ENTPD1: variants seen among roughly 807,000 people sequenced by gnomAD.
ENTPD1 encodes ectonucleoside triphosphate diphosphohydrolase 1.
In ENTPD1, 33 loss-of-function variants were observed where a neutral mutation model predicts 57.0. That is an observed-to-expected ratio of 0.58 (90% CI 0.44 to 0.77). The LOEUF is 0.77. ENTPD1 is among the 30% of genes least tolerant of loss of function. ENTPD1 has a pLI of 0.00. For missense variants in ENTPD1, 501 were observed against 603.4 expected, an observed-to-expected ratio of 0.83 and a Z score of 1.78; for synonymous variants, 202 against 218.8, an observed-to-expected ratio of 0.92 and a Z score of 0.68.
chr10:95,747,993 T>G (rs1324765620), intron 1 of ENTPD1, among the ~76,000 whole-genome samples: 1 of 152,014 alleles, frequency 6.6e-6, no homozygotes, highest in Admixed American at 6.6e-5. Flanking sequence ...CACCTCAGCC[T>G]CCCAAGTAGC....
intron 7 of ENTPD1, among the ~76,000 whole-genome samples, chr10:95,856,937 AG>A (rs1325729632): frequency 6.6e-6 from 1 of 151,896 alleles, no homozygotes; most frequent in African/African-American, 2.4e-5. Context: ...GTACATCTCT[AG>A]AGGATGGTTA....
At chr10:95,835,619 A>T (rs2140736950) in intron 2 of ENTPD1, among the ~76,000 whole-genome samples, 1 of 152,304 alleles carries the variant, frequency 6.6e-6, no homozygotes, top group Middle Eastern at 3.4e-3. Flanking sequence ...CTGACTTCTT[A>T]ATAGCCATTC....
At chr10:95,702,150 G>T in the ENTPD1 span, among the ~76,000 whole-genome samples, 1 of 151,886 alleles carries the variant, frequency 6.6e-6, no homozygotes, top group South Asian at 2.1e-4. Flanking sequence ...ACAGACAAAT[G>T]TTTAGAAGAT....
intron 1 of ENTPD1, among the ~76,000 whole-genome samples, chr10:95,821,308 A>AT (rs1416408970): frequency 6.6e-6 from 1 of 152,204 alleles, no homozygotes; most frequent in Non-Finnish European, 1.5e-5. Flanking sequence ...TGGGCTCAGC[A>AT]TTTGTTGATT....
At chr10:95,836,704 A>C (rs920695038) in intron 2 of ENTPD1, among the ~76,000 whole-genome samples, 2 of 152,240 alleles carry the variant, frequency 1.3e-5, no homozygotes, top group Non-Finnish European at 2.9e-5. Context: ...GGCAGAGAGA[A>C]CATGAACATT....
chr10:95,694,244 AGCC>A, the ENTPD1 span: 2 of 320,492 alleles, frequency 6.2e-6, no homozygotes, highest in Admixed American at 5.2e-5. Flanking sequence ...CAGAGGACTG[AGCC>A]CGGCCTCCGG....
At chr10:95,722,690 T>C (rs1429371551) in intron 1 of ENTPD1, among the ~76,000 whole-genome samples, 2 of 152,096 alleles carry the variant, frequency 1.3e-5, no homozygotes, top group East Asian at 1.9e-4. Flanking sequence ...AGATATACCA[T>C]TGTGGTTTTT....
intron 1 of ENTPD1, among the ~76,000 whole-genome samples, chr10:95,726,566 C>A (rs2097983881): frequency 1.3e-5 from 2 of 152,100 alleles, no homozygotes; most frequent in African/African-American, 4.8e-5. Context: ...GTTGACAATT[C>A]TTTTATTTTA....
intron 1 of ENTPD1, among the ~76,000 whole-genome samples, chr10:95,795,540 T>C (rs2098222846): frequency 1.3e-5 from 2 of 152,180 alleles, no homozygotes; most frequent in African/African-American, 4.8e-5. Flanking sequence ...TTCCCACGTA[T>C]GGACAGTAAC....
chr10:95,788,870 G>A (rs1166586173), intron 1 of ENTPD1, among the ~76,000 whole-genome samples: 6 of 152,066 alleles, frequency 3.9e-5, no homozygotes, highest in Non-Finnish European at 8.8e-5. Context: ...TTTCCCCCGA[G>A]GATTTGTACA....
Position 95,873,337 on chromosome 10 carries a change from G to A in ENTPD1, c.*6954G>A. The A allele has an allele frequency of 1.0e-6, 1 of 985,472 alleles. No individual in the cohort carries two copies. Among genetic ancestry groups the A allele is most frequent in the South Asian group, 4.7e-5 (1 of 21,292 alleles). 61.0% of individuals were successfully genotyped at this position (985,472 alleles called of 1,614,324 possible). Reference sequence around the variant, plus strand: ...TCACTCCTCTTATACAACAATCCAAGTGTTTCTTTTGTCAGTTGTCTGTGC... The same window carrying A: ...TCACTCCTCTTATACAACAATCCAAATGTTTCTTTTGTCAGTTGTCTGTGC... On this transcript the variant is annotated 3_prime_UTR_variant, in exon 10 of 10. Transcript: ENST00000371205.
chr10:95,839,331 A>T, intron 2 of ENTPD1: 1 of 310,690 alleles, frequency 3.2e-6, no homozygotes, highest in South Asian at 3.1e-5. Flanking sequence ...AAGTTTGGGG[A>T]CTATAGATTA....
At chr10:95,782,192 T>C (rs1332748696) in intron 1 of ENTPD1, among the ~76,000 whole-genome samples, 2 of 152,240 alleles carry the variant, frequency 1.3e-5, no homozygotes, top group African/African-American at 4.8e-5. Context: ...TTCACCACCT[T>C]GTTTACCCCT....
chr10:95,746,863 G>A (rs370096124), intron 1 of ENTPD1, among the ~76,000 whole-genome samples: 14 of 152,290 alleles, frequency 9.2e-5, no homozygotes, highest in Admixed American at 5.2e-4. Flanking sequence ...GATAAAACAC[G>A]TATATGTAGT....
intron 1 of ENTPD1, among the ~76,000 whole-genome samples, chr10:95,785,536 C>T (rs551310526): frequency 6.6e-6 from 1 of 152,292 alleles, no homozygotes; most frequent in African/African-American, 2.4e-5. Flanking sequence ...CAAGGTTGGC[C>T]ACAAAACCAA....
At chr10:95,850,769 C>A (rs1275981439) in intron 7 of ENTPD1, among the ~76,000 whole-genome samples, 1 of 152,178 alleles carries the variant, frequency 6.6e-6, no homozygotes, top group Non-Finnish European at 1.5e-5. Flanking sequence ...GTCCTTCCTG[C>A]AGGGAGTTCC....
At chr10:95,779,809 G>A (rs755205259) in intron 1 of ENTPD1, among the ~76,000 whole-genome samples, 9 of 152,140 alleles carry the variant, frequency 5.9e-5, no homozygotes, top group East Asian at 3.9e-4. Context: ...AAACACTATC[G>A]TGCATATTTG....
intron 1 of ENTPD1, among the ~76,000 whole-genome samples, chr10:95,716,043 T>A (rs930465229): frequency 2.0e-5 from 3 of 152,068 alleles, no homozygotes; most frequent in Admixed American, 6.6e-5. Flanking sequence ...TTAAAAAAAA[T>A]TTGTGCAGTC....
intron 1 of ENTPD1, among the ~76,000 whole-genome samples, chr10:95,760,814 CTTTTTTTTTTTTTTTTTTTTTT>C (rs71034350): frequency 1.6e-5 from 1 of 62,956 alleles, no homozygotes; most frequent in Non-Finnish European, 2.8e-5. Context: ...AGAGTTTATT[CTTTTTTTTTTTTTTTTTTTTTT>C]TTTTTTTTTT....
Sources: gnomAD v4.1 joint callset for allele counts (sites outside exome capture counted in the v4.1 genomes callset) on GRCh38, gnomAD v4.1.1 for gene constraint, MANE v1.5 for transcripts, NCBI Gene and HGNC (gene_info 2026-07-23, HGNC 2026-07-21) for gene names.